Variants in DDX4 observed in about 807,000 individuals in gnomAD.
DDX4 encodes the protein probable ATP-dependent RNA helicase DDX4.
A neutral mutation model predicts 100.0 loss-of-function variants in DDX4; 25 were observed. The ratio of observed to expected loss-of-function variants is 0.25; its 90% CI spans 0.18 to 0.35. DDX4 has a LOEUF of 0.35. Ranked by LOEUF, DDX4 falls within the 10% of genes least tolerant of loss-of-function variation. The probability of loss-of-function intolerance (pLI) is 1.00; values close to 1 mark genes in which losing one functional copy is unlikely to be tolerated. For synonymous variants in DDX4, 259 were observed against 275.7 expected (o/e 0.94, Z 0.60); for missense variants, 635 against 882.4 (o/e 0.72, Z 3.55).
intron 3 of DDX4, among the ~76,000 whole-genome samples, chr5:55,748,365 T>C (rs1320567857): frequency 6.6e-6 from 1 of 152,172 alleles, no homozygotes; most frequent in Non-Finnish European, 1.5e-5. Flanking sequence ...AGAAACCTGG[T>C]TTTTTGAGGT....
chr5:55,806,396 A>G (rs1743722257), intron 18 of DDX4, among the ~76,000 whole-genome samples: 1 of 151,928 alleles, frequency 6.6e-6, no homozygotes, highest in South Asian at 2.1e-4. Context: ...TTGCTTCTCT[A>G]GTTCTTTTAA....
intron 10 of DDX4, chr5:55,782,279 A>G (rs993689748): frequency 1.8e-5 from 5 of 273,386 alleles, no homozygotes; most frequent in African/African-American, 8.8e-5. Context: ...ATAATAAGTA[A>G]AAACTGAAAA....
At chr5:55,808,302 C>G (rs1030803427) in intron 18 of DDX4, among the ~76,000 whole-genome samples, 13 of 152,210 alleles carry the variant, frequency 8.5e-5, no homozygotes, top group Admixed American at 3.3e-4. Context: ...CATCTGATGC[C>G]TTCTTCTCTC....
Position 55,808,665 on chromosome 5 carries a change from C to T in DDX4, c.1616-5008C>T, listed in dbSNP as rs1308254478. Among the ~76,000 whole-genome samples the T allele has an allele frequency of 2.6e-5, 4 of 152,326 alleles. No individual in the cohort carries two copies. The South Asian group carries it at 6.2e-4, about 24-fold the overall frequency. On this transcript the variant is annotated intron_variant, in intron 18 of 21. Transcript: ENST00000505374. Reference sequence around the variant, plus strand: ...TGAACAGCAGATATTGCTACCTGATCGTTCCTCTGGAAGTTTTGTCTCAGA... The same window carrying T: ...TGAACAGCAGATATTGCTACCTGATTGTTCCTCTGGAAGTTTTGTCTCAGA...
chr5:55,764,340 A>T (rs1406673780), intron 6 of DDX4, among the ~76,000 whole-genome samples: 2 of 152,206 alleles, frequency 1.3e-5, no homozygotes, highest in Admixed American at 6.5e-5. Flanking sequence ...TAATAAAAAG[A>T]AGTAGTCAAG....
intron 7 of DDX4, among the ~76,000 whole-genome samples, chr5:55,776,316 A>T (rs184180169): frequency 1.5e-3 from 228 of 152,284 alleles, no homozygotes; most frequent in African/African-American, 5.3e-3. Context: ...ATAGACTAAG[A>T]CCTGTGGTTC....
intron 18 of DDX4, among the ~76,000 whole-genome samples, chr5:55,810,143 C>T (rs535704428): frequency 3.4e-4 from 51 of 152,024 alleles, no homozygotes; most frequent in African/African-American, 1.0e-3. Context: ...TCGCTCTTGT[C>T]GCCCAGGCTA....
chr5:55,739,126 CAG>C (rs1758848024), intron 2 of DDX4, 94 bp downstream of exon 2: 2 of 756,408 alleles, frequency 2.6e-6, no homozygotes, highest in Admixed American at 2.3e-5. Context: ...CAGTCTGTGT[CAG>C]TGTTTATCTC....
chr5:55,775,509 C>A (rs1561495551), intron 7 of DDX4, among the ~76,000 whole-genome samples: 1 of 152,148 alleles, frequency 6.6e-6, no homozygotes, highest in Non-Finnish European at 1.5e-5. Context: ...AGTTCTTGCC[C>A]ATTTTTTTCC....
intron 18 of DDX4, among the ~76,000 whole-genome samples, chr5:55,810,997 T>G (rs1214499870): frequency 6.6e-6 from 1 of 151,668 alleles, no homozygotes; most frequent in Non-Finnish European, 1.5e-5. Flanking sequence ...TAGTCTTTTT[T>G]TCTTCTTTTT....
chr5:55,784,564 G>A (rs1346279327), intron 10 of DDX4, among the ~76,000 whole-genome samples: 1 of 152,168 alleles, frequency 6.6e-6, no homozygotes, highest in African/African-American at 2.4e-5. Flanking sequence ...TTTGGGACGG[G>A]TTCCCACCAT....
At chr5:55,747,181 G>A (rs1759289543) in intron 3 of DDX4, among the ~76,000 whole-genome samples, 1 of 152,146 alleles carries the variant, frequency 6.6e-6, no homozygotes, top group South Asian at 2.1e-4. Context: ...AAGAGATTGA[G>A]ACCATCCTGA....
chr5:55,752,175 T>C (rs1412217315), intron 3 of DDX4, among the ~76,000 whole-genome samples: 1 of 152,024 alleles, frequency 6.6e-6, no homozygotes, highest in Non-Finnish European at 1.5e-5. Flanking sequence ...TTATTAATTT[T>C]TTTCTTTTCT....
intron 6 of DDX4, among the ~76,000 whole-genome samples, chr5:55,765,413 AATAT>A (rs397997793): frequency 1.1e-4 from 9 of 83,010 alleles, no homozygotes; most frequent in African/African-American, 1.7e-4. Flanking sequence ...AAAAAAAAAA[AATAT>A]ATATATATAT....
chr5:55,763,088 C>T lies in DDX4; in HGVS notation c.206-87C>T, dbSNP rs190861800. The T allele has an allele frequency of 6.6e-5, 58 of 873,062 alleles. No individual in the cohort carries two copies. The East Asian group carries it at 1.1e-3, about 16-fold the overall frequency. The allele number at this position is 873,062 out of a possible 1,614,324, so 54.1% of individuals were successfully genotyped here. ...TTTCCCATCCTTGGAAGTCTCTTTA[C>T]GCCAGAAATTCATTTAATTCTTAGT... On this transcript the variant is annotated intron_variant, in intron 4 of 21. Coordinates refer to ENST00000505374, the MANE Select transcript of DDX4 (RefSeq NM_024415.3).
At chr5:55,805,382 G>A (rs1268210058) in intron 18 of DDX4, among the ~76,000 whole-genome samples, 224 of 149,416 alleles carry the variant, frequency 1.5e-3, no homozygotes, top group Middle Eastern at 0.01. Context: ...TGGTGAGAGA[G>A]GGCATCCCTG....
intron 18 of DDX4, among the ~76,000 whole-genome samples, chr5:55,805,524 T>A (rs1743640337): frequency 2.0e-5 from 3 of 152,126 alleles, no homozygotes; most frequent in Non-Finnish European, 4.4e-5. Context: ...TTGAGAGTTT[T>A]TAGCATGAAG....
intron 21 of DDX4, 53 bp downstream of exon 21, chr5:55,815,476 G>T: frequency 1.3e-6 from 2 of 1,572,330 alleles, no homozygotes; most frequent in Non-Finnish European, 8.6e-7. Flanking sequence ...CTTTGTAAAT[G>T]TTGTGCTTAA....
At chr5:55,780,192 A>G (rs1423807289) in intron 8 of DDX4, 127 bp downstream of exon 8, 2 of 1,343,700 alleles carry the variant, frequency 1.5e-6, no homozygotes, top group Non-Finnish European at 2.0e-6. Context: ...TGACTAATAC[A>G]CATTAATCAC....
Sources: gnomAD v4.1 joint callset for allele counts (sites outside exome capture counted in the v4.1 genomes callset) on GRCh38, gnomAD v4.1.1 for gene constraint, MANE v1.5 for transcripts, NCBI Gene and HGNC (gene_info 2026-07-23, HGNC 2026-07-21) for gene names.